CLSTN1: variants seen among roughly 807,000 people sequenced by gnomAD.
The protein encoded by CLSTN1 is calsyntenin-1.
A neutral mutation model predicts 108.3 loss-of-function variants in CLSTN1; 28 were observed. The observed-to-expected ratio is 0.26, with a 90% CI of 0.19 to 0.35. The LOEUF is 0.35. Ranked by LOEUF, CLSTN1 falls within the 10% of genes least tolerant of loss-of-function variation. The pLI is 1.00. For missense variants in CLSTN1, 1,157 were observed against 1,302.6 expected, an observed-to-expected ratio of 0.89 and a Z score of 1.72; for synonymous variants, 524 against 534.9, an observed-to-expected ratio of 0.98 and a Z score of 0.28.
chr1:9,744,111 G>A (rs112262810), intron 8 of CLSTN1, 106 bp from the exon 9 acceptor site: 7 of 1,462,284 alleles, frequency 4.8e-6, no homozygotes, highest in African/African-American at 4.2e-5. Context: ...CTGCATAAAT[G>A]AACTCTTCGG....
rs757338951 is a variant in CLSTN1, at chr1:9,741,228, A to G, written c.1385T>C (p.Val462Ala). The G allele has an allele frequency of 3.7e-6, 6 of 1,613,412 alleles. No individual in the cohort carries two copies. The South Asian group carries it at 5.5e-5, about 15-fold the overall frequency. Residue 462 changes from valine to alanine, a missense_variant, in exon 10 of 19, where the codon GTC becomes GCC. Transcript: ENST00000377298. ...CACACTCGGGAATTCTACATTGAGG[A>G]CGTAGTGGTGCCATTCCTCATCACA... ...QVCDEEWHHY[V>A]LNVEFPSVTL...
intron 2 of CLSTN1, 121 bp downstream of exon 2, chr1:9,773,151 A>G (rs1414369237): frequency 7.4e-7 from 1 of 1,360,234 alleles, no homozygotes; most frequent in Non-Finnish European, 1.0e-6. Context: ...AAAGGACGCT[A>G]CAAATAACCC....
Position 9,735,586 on chromosome 1 carries a change from C to G in CLSTN1, c.1764G>C (p.Leu588Phe). 6.2e-7 allele frequency: 1 copy of G among 1,614,138 alleles called. No individual in the cohort carries two copies. Among genetic ancestry groups the G allele is most frequent in the Non-Finnish European group, 8.5e-7 (1 of 1,180,040 alleles). The change falls in exon 13 of 19, where the codon TTG (leucine) becomes TTC (phenylalanine). Residue 588 changes from leucine to phenylalanine, a missense_variant. Transcript: ENST00000377298. ...QIQAHPSQLV[L>F]TLEGEDLGEL... is the part of the protein sequence containing the mutation. ...CCCCGAGGTCTTCTCCCTCCAAGGTCAATACCAACTGGCTGGGGTGTGCTT... is the reference window on the plus strand; with the variant it reads ...CCCCGAGGTCTTCTCCCTCCAAGGTGAATACCAACTGGCTGGGGTGTGCTT...
rs1286269199 is a variant in CLSTN1, at chr1:9,735,143, G to A, written c.1915C>T (p.Pro639Ser). Residue 639 changes from proline (P) to serine (S), a missense_variant, in exon 14 of 19, where the codon CCC (proline) becomes TCC (serine). Transcript: ENST00000377298. ...ACCATCACGTAGCCATCTACCGGGG[G>A]GACCGAAATGCAGGTGGCCTCGTTA... ...CFNEATCISV[P>S]PVDGYVMVLQ... is the part of the protein sequence containing the mutation. 2 of 1,614,194 alleles carry A rather than the reference G, an allele frequency of 1.2e-6. No individual in the cohort carries two copies. The highest frequency in any genetic ancestry group is 1.7e-5 in the Admixed American group (1 of 60,020).
chr1:9,773,121 AG>A, intron 2 of CLSTN1, 150 bp downstream of exon 2: 5 of 1,043,388 alleles, frequency 4.8e-6, no homozygotes, highest in East Asian at 5.4e-5. Flanking sequence ...AACTATTAAA[AG>A]GAAAAAAAAA....
intron 10 of CLSTN1, among the ~76,000 whole-genome samples, chr1:9,738,435 C>T (rs1003150588): frequency 2.6e-5 from 4 of 152,190 alleles, no homozygotes; most frequent in Non-Finnish European, 4.4e-5. Context: ...AGGGGCAAGG[C>T]TAGAGGTGTA....
chr1:9,756,869 C>T (rs1651833216), intron 2 of CLSTN1, among the ~76,000 whole-genome samples: 1 of 152,154 alleles, frequency 6.6e-6, no homozygotes, highest in Non-Finnish European at 1.5e-5. Context: ...CAAGCTCCGC[C>T]TCCTGGGTTC....
At chr1:9,752,803 A>G (rs1250843254) in intron 4 of CLSTN1, among the ~76,000 whole-genome samples, 1 of 152,200 alleles carries the variant, frequency 6.6e-6, no homozygotes, top group Non-Finnish European at 1.5e-5. Flanking sequence ...TGGAGGTTGC[A>G]GTGAGCCGAG....
intron 2 of CLSTN1, among the ~76,000 whole-genome samples, chr1:9,771,671 T>C (rs1324314978): frequency 6.6e-6 from 1 of 152,034 alleles, no homozygotes; most frequent in African/African-American, 2.4e-5. Flanking sequence ...ACTGGACAAA[T>C]GCTGTGTGTG....
At chr1:9,739,814 ATT>A (rs35078301) in intron 10 of CLSTN1, among the ~76,000 whole-genome samples, 5,016 of 122,710 alleles carry the variant, frequency 0.041, 173 homozygotes, top group African/African-American at 0.15. Context: ...GCAATAGGGC[ATT>A]TTTTTTTTTT....
intron 18 of CLSTN1, 43 bp downstream of exon 18, chr1:9,731,163 C>T (rs1354970467): frequency 6.2e-7 from 1 of 1,611,756 alleles, no homozygotes; most frequent in South Asian, 1.1e-5. Context: ...AGGCCCTGGC[C>T]TGTGCTGCCT....
chr1:9,776,407 G>T (rs968759045), intron 1 of CLSTN1, among the ~76,000 whole-genome samples: 1 of 152,084 alleles, frequency 6.6e-6, no homozygotes, highest in South Asian at 2.1e-4. Context: ...TAAAATTTCG[G>T]TTTTGTGAGA....
Position 9,729,864 on chromosome 1 carries a change from CTGGGCGGGGT to C in CLSTN1, c.*634_*643del, listed in dbSNP as rs1177469563. On this transcript the variant is annotated 3_prime_UTR_variant, in exon 19 of 19. Coordinates refer to ENST00000377298, the MANE Select transcript of CLSTN1 (RefSeq NM_001009566.3). Reference sequence around the variant, plus strand: ...GACCTGAGCAGGGGCTGGGGCGGGGCTGGGCGGGGTGGGCCTCTCCCTCTGGGGTCTGGGG... The same window carrying C: ...GACCTGAGCAGGGGCTGGGGCGGGGCGGGCCTCTCCCTCTGGGGTCTGGGG... 1 of 154,206 alleles carries C rather than the reference CTGGGCGGGGT, an allele frequency of 6.5e-6. No homozygotes were observed. Among genetic ancestry groups the C allele is most frequent in the Non-Finnish European group, 1.4e-5 (1 of 69,466 alleles). The allele number at this position is 154,206 out of a possible 1,614,324, so 9.6% of individuals were successfully genotyped here. A position where few individuals can be genotyped will look rare whatever the true frequency, so the allele number is the denominator to read the frequency against.
Position 9,774,919 on chromosome 1 carries a change from G to A in CLSTN1, c.92-1525C>T, listed in dbSNP as rs75464750. On this transcript the variant is annotated intron_variant, in intron 1 of 18. Transcript: ENST00000377298. ...TCCCGGAAAGATATGGGAAATTCCCGGAAACTGAGGACTCCTCCCCATTTT... is the reference window on the plus strand; with the variant it reads ...TCCCGGAAAGATATGGGAAATTCCCAGAAACTGAGGACTCCTCCCCATTTT... Among the ~76,000 whole-genome samples the A allele has an allele frequency of 2.2e-3, 337 of 152,222 alleles. 1 individual carries two copies. Among genetic ancestry groups the A allele is most frequent in the African/African-American group, 7.5e-3 (312 of 41,544 alleles).
chr1:9,781,330 T>C (rs901692733), intron 1 of CLSTN1: 8 of 561,564 alleles, frequency 1.4e-5, no homozygotes, highest in Admixed American at 3.1e-5. Flanking sequence ...TGATACTGAA[T>C]GCAGCAGTGT....
At chr1:9,801,606 G>A (rs1277758028) in intron 1 of CLSTN1, among the ~76,000 whole-genome samples, 2 of 152,166 alleles carry the variant, frequency 1.3e-5, no homozygotes, top group Non-Finnish European at 2.9e-5. Flanking sequence ...CCAGGCTGGA[G>A]CGCAGTGGCA....
chr1:9,734,604 T>C lies in CLSTN1; in HGVS notation c.2110+344A>G, dbSNP rs922782152. 2.1e-4 allele frequency among the ~76,000 whole-genome samples: 31 copies of C among 149,322 alleles called. No individual in the cohort carries two copies. The highest frequency in any genetic ancestry group is 8.5e-4 in the South Asian group (4 of 4,732). On this transcript the variant is annotated intron_variant, in intron 14 of 18. Coordinates refer to ENST00000377298, the MANE Select transcript of CLSTN1 (RefSeq NM_001009566.3). The surrounding 1 kb of genome is among the most constrained non-coding windows in gnomAD (Gnocchi z 4.8). ...AAAAAAAAAAAGGGGGGGAGTTTCA[T>C]GTGTCCTGAGCAAGAATTGTGGGGA... is the stretch of plus-strand genomic sequence containing the variant.
rs373789688 is a variant in CLSTN1 at position 9,749,606 on chromosome 1, C to G, written c.840G>C (p.Ala280=). Residue 280 remains alanine (A), a synonymous_variant, in exon 7 of 19, where the codon GCG becomes GCC. Coordinates refer to ENST00000377298, the MANE Select transcript of CLSTN1 (RefSeq NM_001009566.3). The part of the protein sequence containing the change: ...NRIEYEPGTG[A]LAVFPNIHLE... Reference sequence around the variant, plus strand: ...GGTGGATATTTGGAAAGACGGCCAACGCGCCGGTGCCCGGCTCATACTCAA... The same window carrying G: ...GGTGGATATTTGGAAAGACGGCCAAGGCGCCGGTGCCCGGCTCATACTCAA... 6.2e-7 allele frequency: 1 copy of G among 1,614,208 alleles called. No individual in the cohort carries two copies. The highest frequency in any genetic ancestry group is 8.5e-7 in the Non-Finnish European group (1 of 1,180,024).
At chr1:9,733,691 G>C in intron 15 of CLSTN1, 145 bp from the exon 16 acceptor site, 1 of 967,604 alleles carries the variant, frequency 1.0e-6, no homozygotes, top group Non-Finnish European at 1.6e-6. Flanking sequence ...CTAGCCATGG[G>C]AATAAATGCA....
Sources: gnomAD v4.1 joint callset for allele counts (sites outside exome capture counted in the v4.1 genomes callset) on GRCh38, gnomAD v4.1.1 for gene constraint, Gnocchi (gnomAD v3.1) non-coding constraint, MANE v1.5 for transcripts, NCBI Gene and HGNC (gene_info 2026-07-23, HGNC 2026-07-21) for gene names.